Variants in P2RX4 observed in about 807,000 individuals in gnomAD.
P2RX4 encodes the protein purinergic receptor P2X 4.
In P2RX4, 37 loss-of-function variants were observed where a neutral mutation model predicts 48.0. The observed-to-expected ratio is 0.77, with a 90% CI of 0.59 to 1.01. The LOEUF (loss-of-function observed/expected upper bound fraction) is 1.01. Among genes scored for constraint, P2RX4 ranks in the 50% least tolerant of loss-of-function variants. P2RX4 has a pLI of 0.00. For missense variants in P2RX4, 501 were observed against 521.4 expected, an observed-to-expected ratio of 0.96 and a Z score of 0.38; for synonymous variants, 200 against 199.7, an observed-to-expected ratio of 1.00 and a Z score of -0.01.
chr12:121,213,260 C>G (rs905968529), intron 1 of P2RX4: 3 of 151,936 alleles, frequency 2.0e-5, no homozygotes, highest in African/African-American at 7.3e-5. Flanking sequence ...GACCTTGCCT[C>G]TACAAAAAAA....
chr12:121,233,482 G>A, intron 11 of P2RX4, 41 bp from the exon 12 acceptor site: 1 of 1,592,746 alleles, frequency 6.3e-7, no homozygotes, highest in Admixed American at 1.8e-5. Flanking sequence ...GCCACAAGGG[G>A]TCCCAGGGGC....
Position 121,232,427 on chromosome 12 carries a change from T to TA in P2RX4, c.899dup (p.Tyr300Ter). 1 of 1,613,260 alleles carries TA rather than the reference T, an allele frequency of 6.2e-7. No individual in the cohort carries two copies. Among genetic ancestry groups the TA allele is most frequent in the Admixed American group, 1.7e-5 (1 of 60,020 alleles). Reference protein sequence around the residue: ...PGYNFRFAKYYRDLAGNEQRT... With the variant: ...PGYNFRFAKY ...CCTTCCCCTCAGGTTTGCCAAGTACTACAGAGACCTGGCTGGCAACGAGCA... is the reference window on the plus strand; with the variant it reads ...CCTTCCCCTCAGGTTTGCCAAGTACTAACAGAGACCTGGCTGGCAACGAGCA... Residue 300 changes from tyrosine (Y) to a stop codon, truncating the protein, a stop_gained and frameshift_variant, in exon 9 of 12, where the codon TAC becomes TAAC. Transcript: ENST00000337233. LOFTEE classifies it high-confidence loss of function. This position sits in a 1 kb window ranked among gnomAD's most constrained non-coding sequence, Gnocchi z 4.3.
chr12:121,233,156 C>T (rs1887482140), intron 11 of P2RX4, 64 bp downstream of exon 11: 10 of 1,175,968 alleles, frequency 8.5e-6, no homozygotes, highest in South Asian at 5.4e-5. Context: ...GAGCCCTGGG[C>T]GTGGGCCTGT....
rs34995184 is a variant in P2RX4 at position 121,232,004 on chromosome 12, CAAAAAAAA to C, written c.885-398_885-391del. ...CTGGCAACAGAGGGAGACTCCATCT[CAAAAAAAA>C]AAAAAAAAAAAGTCCCTGCACTGAT... On this transcript the variant is annotated intron_variant, in intron 8 of 11. Transcript: ENST00000337233. The surrounding 1 kb of genome is among the most constrained non-coding windows in gnomAD (Gnocchi z 4.3). Among the ~76,000 whole-genome samples the C allele has an allele frequency of 1.1e-5, 1 of 94,456 alleles. No homozygotes were observed. Among genetic ancestry groups the C allele is most frequent in the Non-Finnish European group, 2.0e-5 (1 of 49,318 alleles). The allele number at this position is 94,456 out of a possible 152,430, so 62.0% of individuals were successfully genotyped here.
intron 2 of P2RX4, among the ~76,000 whole-genome samples, chr12:121,218,705 C>G (rs1886381374): frequency 6.6e-6 from 1 of 152,128 alleles, no homozygotes; most frequent in Non-Finnish European, 1.5e-5. Context: ...CACAACTCAG[C>G]CTTCCGTGGT....
In P2RX4 at chr12:121,210,290, C is replaced by A. The variant is rs773993953; in HGVS notation, c.126C>A (p.Tyr42Ter). ...NRAVQLLILA[Y>*]VIGWVFVWEK... ...CCGTGCAACTGCTCATCCTGGCCTACGTCATCGGGTGAGCGTGGGGCCGCG... is the reference window on the plus strand; with the variant it reads ...CCGTGCAACTGCTCATCCTGGCCTAAGTCATCGGGTGAGCGTGGGGCCGCG... Residue 42 changes from tyrosine to a stop codon, truncating the protein, a stop_gained, in exon 1 of 12, where the codon TAC (tyrosine) becomes TAA (stop). Coordinates refer to ENST00000337233, the MANE Select transcript of P2RX4 (RefSeq NM_002560.3). LOFTEE classifies it high-confidence loss of function. The A allele has an allele frequency of 2.5e-5, 39 of 1,545,990 alleles. No individual in the cohort carries two copies. Among genetic ancestry groups the A allele is most frequent in the Non-Finnish European group, 3.4e-5 (39 of 1,151,112 alleles).
rs767443191 is a variant in P2RX4 at position 121,232,600 on chromosome 12, T to G, written c.979-11T>G. 13 of 1,613,586 alleles carry G rather than the reference T, an allele frequency of 8.1e-6. No individual in the cohort carries two copies. The highest frequency in any genetic ancestry group is 3.4e-6 in the Non-Finnish European group (4 of 1,179,648). On this transcript the variant is annotated splice_polypyrimidine_tract_variant and intron_variant, in intron 9 of 11. Coordinates refer to ENST00000337233, the MANE Select transcript of P2RX4 (RefSeq NM_002560.3). The surrounding 1 kb of genome is among the most constrained non-coding windows in gnomAD (Gnocchi z 4.3). Reference sequence around the variant, plus strand: ...CAGAAACACTTTTTTTCTTTTTCGGTGTCTTGGCAGGCAGGGAAATTTGAC... The same window carrying G: ...CAGAAACACTTTTTTTCTTTTTCGGGGTCTTGGCAGGCAGGGAAATTTGAC...
chr12:121,228,933 C>T, intron 7 of P2RX4, 30 bp from the exon 8 acceptor site: 1 of 1,614,072 alleles, frequency 6.2e-7, no homozygotes, highest in Non-Finnish European at 8.5e-7. Flanking sequence ...CTGAGGAAAG[C>T]CTTGCCGTGT....
intron 5 of P2RX4, among the ~76,000 whole-genome samples, chr12:121,224,995 G>C (rs1886887133): frequency 6.6e-6 from 1 of 152,136 alleles, no homozygotes; most frequent in Non-Finnish European, 1.5e-5. Context: ...GCCACGCGTG[G>C]CTATTGAAAA....
At position 121,233,732 on chromosome 12, in the gene P2RX4, G is replaced by A; in HGVS notation, c.*183G>A. 2 of 1,415,706 alleles carry A rather than the reference G, an allele frequency of 1.4e-6. No individual in the cohort carries two copies. Among genetic ancestry groups the A allele is most frequent in the East Asian group, 5.0e-5 (2 of 39,760 alleles). 87.7% of individuals were successfully genotyped at this position (1,415,706 alleles called of 1,614,324 possible). A position where few individuals can be genotyped will look rare whatever the true frequency, so the allele number is the denominator to read the frequency against. Reference sequence around the variant, plus strand: ...TGTGCAGGATCTGTTTGCCCACTCGGCCCAGGAGGTCAGCAGTCTGTTCTT... The same window carrying A: ...TGTGCAGGATCTGTTTGCCCACTCGACCCAGGAGGTCAGCAGTCTGTTCTT... On this transcript the variant is annotated 3_prime_UTR_variant, in exon 12 of 12. Transcript: ENST00000337233.
chr12:121,229,208 C>T lies in P2RX4; in HGVS notation c.884+109C>T. On this transcript the variant is annotated intron_variant, in intron 8 of 11. Coordinates refer to ENST00000337233, the MANE Select transcript of P2RX4 (RefSeq NM_002560.3). This position sits in a 1 kb window ranked among gnomAD's most constrained non-coding sequence, Gnocchi z 4.6. ...CAGCACTCAGGCAGCACCCCAAGGG[C>T]AGGCTGCCGGTCCCCCGTCCAAGGC... 1 of 1,354,360 alleles carries T rather than the reference C, an allele frequency of 7.4e-7. No individual in the cohort carries two copies. The highest frequency in any genetic ancestry group is 1.0e-6 in the Non-Finnish European group (1 of 957,788). The allele number at this position is 1,354,360 out of a possible 1,614,324, so 83.9% of individuals were successfully genotyped here.
intron 5 of P2RX4, 108 bp from the exon 6 acceptor site, chr12:121,228,423 GAC>G (rs571585680): frequency 7.4e-4 from 325 of 441,918 alleles, no homozygotes; most frequent in Middle Eastern, 1.3e-3. Flanking sequence ...CACACACACA[GAC>G]ACACACACAC....
chr12:121,222,136 ACTGCCGGCT>A lies in P2RX4; in HGVS notation c.406_414del (p.Ser136_Gly138del). On this transcript the variant is annotated inframe_deletion, in exon 4 of 12. Coordinates refer to ENST00000337233, the MANE Select transcript of P2RX4 (RefSeq NM_002560.3). ...TGTGTGTAAATCAGATGCCAGCTGT[ACTGCCGGCT>A]CTGCCGGCACCCACAGCAACGGTAC... 1 of 1,608,740 alleles carries A rather than the reference ACTGCCGGCT, an allele frequency of 6.2e-7. No individual in the cohort carries two copies. The highest frequency in any genetic ancestry group is 1.7e-4 in the Middle Eastern group (1 of 6,044).
rs963251566 is a variant in P2RX4, at chr12:121,233,813, C to A, written c.*264C>A. 7.4e-6 allele frequency: 5 copies of A among 678,688 alleles called. No homozygotes were observed. The highest frequency in any genetic ancestry group is 1.2e-5 in the Non-Finnish European group (5 of 422,544). The allele number at this position is 678,688 out of a possible 1,614,324, so 42.0% of individuals were successfully genotyped here. ...TGGGGTTGTCGGGGGAGCGCTGGCC[C>A]GACGCAGTGGCACTGCTGTGGCTTT... On this transcript the variant is annotated 3_prime_UTR_variant, in exon 12 of 12. Transcript: ENST00000337233.
intron 4 of P2RX4, 83 bp from the exon 5 acceptor site, chr12:121,222,864 G>A: frequency 7.1e-7 from 1 of 1,406,296 alleles, no homozygotes; most frequent in Non-Finnish European, 9.9e-7. Context: ...GGCTGGATGG[G>A]GCTCTCACTC....
At position 121,217,184 on chromosome 12, in the gene P2RX4, G is replaced by T; in HGVS notation, c.185G>T (p.Ser62Ile). The T allele has an allele frequency of 1.2e-6, 2 of 1,614,176 alleles. No homozygotes were observed. Among genetic ancestry groups the T allele is most frequent in the Non-Finnish European group, 8.5e-7 (1 of 1,179,984 alleles). Reference sequence around the variant, plus strand: ...TACCAGGAAACTGACTCCGTGGTCAGCTCCGTTACGACCAAGGTCAAGGGC... The same window carrying T: ...TACCAGGAAACTGACTCCGTGGTCATCTCCGTTACGACCAAGGTCAAGGGC... ...KGYQETDSVV[S>I]SVTTKVKGVA... The change falls in exon 2 of 12, where the codon AGC becomes ATC. Residue 62 changes from serine (S) to isoleucine (I), a missense_variant. Transcript: ENST00000337233.
chr12:121,226,775 C>A (rs1000353493), intron 5 of P2RX4, among the ~76,000 whole-genome samples: 24 of 152,038 alleles, frequency 1.6e-4, no homozygotes, highest in Admixed American at 1.5e-3. Flanking sequence ...AACTTGAACA[C>A]CCCTGTTGTA....
At position 121,233,535 on chromosome 12, in the gene P2RX4, G is replaced by T; in HGVS notation, c.1153G>T (p.Glu385Ter). Residue 385 changes from glutamate to a stop codon, truncating the protein, a stop_gained, in exon 12 of 12, where the codon GAG becomes TAG. Transcript: ENST00000337233. LOFTEE classifies it high-confidence loss of function. ...TCCTTCTTTGCAGGGTCTTGCTAGT[G>T]AGCTGGACCAGTGAGGCCTACCCCA... is the stretch of plus-strand genomic sequence containing the variant. ...VEDYEQGLAS[E>*]LDQ The T allele has an allele frequency of 6.2e-7, 1 of 1,609,146 alleles. No individual in the cohort carries two copies. The highest frequency in any genetic ancestry group is 8.5e-7 in the Non-Finnish European group (1 of 1,177,554).
chr12:121,211,503 T>C (rs1052806902), intron 1 of P2RX4, among the ~76,000 whole-genome samples: 2 of 152,084 alleles, frequency 1.3e-5, no homozygotes, highest in African/African-American at 4.8e-5. Context: ...CCTGTTACAA[T>C]TGAATACAAC....
Sources: gnomAD v4.1 joint callset for allele counts (sites outside exome capture counted in the v4.1 genomes callset) on GRCh38, gnomAD v4.1.1 for gene constraint, Gnocchi (gnomAD v3.1) non-coding constraint, MANE v1.5 for transcripts, NCBI Gene and HGNC (gene_info 2026-07-23, HGNC 2026-07-21) for gene names.